Variants in TMEM33 observed in about 807,000 individuals in gnomAD.
TMEM33 encodes transmembrane protein 33.
In TMEM33, 16 loss-of-function variants were observed where a neutral mutation model predicts 29.7. The ratio of observed to expected loss-of-function variants is 0.54; its 90% CI spans 0.36 to 0.82. TMEM33 has a LOEUF of 0.82. Among genes scored for constraint, TMEM33 ranks in the 40% least tolerant of loss-of-function variants. TMEM33 has a pLI of 0.00. For missense variants in TMEM33, 252 were observed against 295.3 expected (o/e 0.85, Z 1.08); for synonymous variants, 112 against 109.4 (o/e 1.02, Z -0.15).
intron 5 of TMEM33, among the ~76,000 whole-genome samples, chr4:41,945,616 C>T (rs934039467): frequency 3.3e-5 from 5 of 152,198 alleles, no homozygotes; most frequent in African/African-American, 1.2e-4. Flanking sequence ...ATTTGTAGAA[C>T]ATATATATTA....
intron 5 of TMEM33, among the ~76,000 whole-genome samples, chr4:41,945,384 C>T (rs866984083): frequency 1.3e-5 from 2 of 152,196 alleles, no homozygotes; most frequent in Middle Eastern, 6.8e-3. Context: ...ATAGTATTGA[C>T]CTCTGCATTG....
chr4:41,938,994 T>A (rs1712385739), intron 2 of TMEM33, among the ~76,000 whole-genome samples: 1 of 152,210 alleles, frequency 6.6e-6, no homozygotes, highest in Non-Finnish European at 1.5e-5. Context: ...TTTATAAAAT[T>A]CAATTTTATA....
At position 41,953,830 on chromosome 4, in the gene TMEM33, A is replaced by G. The variant is rs551631774; in HGVS notation, c.615-240A>G. 4 of 525,746 alleles carry G rather than the reference A, an allele frequency of 7.6e-6. No individual in the cohort carries two copies. The Admixed American group carries it at 8.9e-5, about 12-fold the overall frequency. The allele number at this position is 525,746 out of a possible 1,614,324, so 32.6% of individuals were successfully genotyped here. A position where few individuals can be genotyped will look rare whatever the true frequency, so the allele number is the denominator to read the frequency against. ...ACCGTAACAGAACAGATCACAGATCACCATAATAGATTAATAATGAAAACA... is the reference window on the plus strand; with the variant it reads ...ACCGTAACAGAACAGATCACAGATCGCCATAATAGATTAATAATGAAAACA... On this transcript the variant is annotated intron_variant, in intron 6 of 6. Coordinates refer to ENST00000504986, the MANE Select transcript of TMEM33 (RefSeq NM_018126.3).
At position 41,944,814 on chromosome 4, in the gene TMEM33, C is replaced by T; in HGVS notation, c.418C>T (p.Pro140Ser). ...VLDARGSNSL[P>S]LLRSVLDKLS... is the part of the protein sequence containing the mutation. ...TTAGGCAAGGGGCTCAAATAGTTTA[C>T]CTCTGCTGAGATCTGTCTTGGACAA... The change falls in exon 5 of 7, where the codon CCT becomes TCT. Residue 140 changes from proline to serine, a missense_variant. Pro to Ser is a moderately conservative substitution (Grantham distance 74). Transcript: ENST00000504986. 6.2e-7 allele frequency: 1 copy of T among 1,613,312 alleles called. No individual in the cohort carries two copies. Among genetic ancestry groups the T allele is most frequent in the Non-Finnish European group, 8.5e-7 (1 of 1,179,724 alleles).
At chr4:41,949,602 C>T (rs1192291800) in intron 6 of TMEM33, among the ~76,000 whole-genome samples, 1 of 152,114 alleles carries the variant, frequency 6.6e-6, no homozygotes, top group African/African-American at 2.4e-5. Context: ...TCTACGCCAC[C>T]TCTAAAGCAC....
At chr4:41,943,120 C>G (rs1480225173) in intron 3 of TMEM33, among the ~76,000 whole-genome samples, 1 of 152,218 alleles carries the variant, frequency 6.6e-6, no homozygotes, top group Non-Finnish European at 1.5e-5. Flanking sequence ...GCTATACTTA[C>G]AACCCTTTGG....
At chr4:41,940,786 C>A (rs963387039) in intron 3 of TMEM33, among the ~76,000 whole-genome samples, 2 of 127,724 alleles carry the variant, frequency 1.6e-5, no homozygotes, top group African/African-American at 3.1e-5. Flanking sequence ...CTAGCCTGGG[C>A]GACAGAGCGA....
chr4:41,942,747 T>C lies in TMEM33; in HGVS notation c.329-1000T>C, dbSNP rs184683182. On this transcript the variant is annotated intron_variant, in intron 3 of 6. Transcript: ENST00000504986. ...CAAAAAGTTGAATGAAAAATGTATG[T>C]TTATCCATGGCATAAAGCCAAACAG... 5.9e-5 allele frequency among the ~76,000 whole-genome samples: 9 copies of C among 152,310 alleles called. 1 individual carries two copies. The East Asian group carries it at 1.7e-3, about 29-fold the overall frequency.
intron 6 of TMEM33, 29 bp from the exon 7 acceptor site, chr4:41,954,041 T>A (rs1243995091): frequency 1.2e-6 from 2 of 1,609,594 alleles, no homozygotes; most frequent in Non-Finnish European, 1.7e-6. Context: ...TTCCTTGTGT[T>A]TCTCAAAGAA....
intron 5 of TMEM33, among the ~76,000 whole-genome samples, chr4:41,948,475 G>A (rs942468798): frequency 6.6e-5 from 10 of 151,786 alleles, no homozygotes; most frequent in African/African-American, 2.4e-4. Flanking sequence ...TTTTTTTAAT[G>A]AAAATGATAC....
At chr4:41,942,124 C>A (rs753271879) in intron 3 of TMEM33, among the ~76,000 whole-genome samples, 2 of 152,106 alleles carry the variant, frequency 1.3e-5, no homozygotes, top group African/African-American at 4.8e-5. Flanking sequence ...CTGACACTGC[C>A]CCTTTTATTG....
At position 41,954,213 on chromosome 4, in the gene TMEM33, T is replaced by G. The variant is rs748375870; in HGVS notation, c.*14T>G. ...ACAGTTCCATAGTTTAACATCTAGT[T>G]AAGCTACAAATATAGTATAAGCATT... On this transcript the variant is annotated 3_prime_UTR_variant, in exon 7 of 7. Transcript: ENST00000504986. 9.3e-6 allele frequency: 15 copies of G among 1,613,302 alleles called. No individual in the cohort carries two copies. Among genetic ancestry groups the G allele is most frequent in the Non-Finnish European group, 1.3e-5 (15 of 1,179,490 alleles).
chr4:41,943,903 A>G, intron 4 of TMEM33, 89 bp downstream of exon 4: 1 of 1,210,072 alleles, frequency 8.3e-7, no homozygotes, highest in Non-Finnish European at 1.2e-6. Flanking sequence ...TTGTCACAAA[A>G]AGTCCCTCTA....
intron 1 of TMEM33, among the ~76,000 whole-genome samples, chr4:41,935,782 C>T (rs1419925591): frequency 6.6e-6 from 1 of 152,136 alleles, no homozygotes; most frequent in Non-Finnish European, 1.5e-5. Context: ...GGAAATTGGG[C>T]CTTCTTTCCT....
rs987993490 is a variant in TMEM33 at position 41,960,794 on chromosome 4, A to T, written c.*6595A>T. Among the ~76,000 whole-genome samples the T allele has an allele frequency of 2.6e-4, 39 of 152,192 alleles. No homozygotes were observed. Among genetic ancestry groups the T allele is most frequent in the African/African-American group, 8.9e-4 (37 of 41,458 alleles). On this transcript the variant is annotated 3_prime_UTR_variant, in exon 7 of 7. Coordinates refer to ENST00000504986, the MANE Select transcript of TMEM33 (RefSeq NM_018126.3). ...AAAAAAGGAAAGAAAAATTACATTG[A>T]TGCCTCAGCTGTTTGCTTGATTCTG...
At chr4:41,935,323 C>T (rs1451467046), upstream of TMEM33, 5 of 781,918 alleles carry the variant, frequency 6.4e-6, no homozygotes, top group African/African-American at 5.1e-5. Context: ...GAGCGAGACC[C>T]TTCCCTGGTG....
rs1374222337 is a variant in TMEM33 at position 41,954,965 on chromosome 4, CTAA to C, written c.*768_*770del. The C allele has an allele frequency of 1.3e-5, 2 of 152,592 alleles. No individual in the cohort carries two copies. Among genetic ancestry groups the C allele is most frequent in the African/African-American group, 4.8e-5 (2 of 41,462 alleles). 9.5% of individuals were successfully genotyped at this position (152,592 alleles called of 1,614,324 possible). ...TCTCAAACAGGAAATCCTTCTTTTACTAATGTGGACATATAGATTATTCGTATT... is the reference window on the plus strand; with the variant it reads ...TCTCAAACAGGAAATCCTTCTTTTACTGTGGACATATAGATTATTCGTATT... On this transcript the variant is annotated 3_prime_UTR_variant, in exon 7 of 7. Coordinates refer to ENST00000504986, the MANE Select transcript of TMEM33 (RefSeq NM_018126.3).
Position 41,943,789 on chromosome 4 carries a change from C to T in TMEM33, c.371C>T (p.Ala124Val). ...PVLLFSLLHA[A>V]TYTKKVLDAR... ...TTGTTATTCTCTTTGCTTCATGCTGCCACATATACGAAAAAGGTCCTTGAC... is the reference window on the plus strand; with the variant it reads ...TTGTTATTCTCTTTGCTTCATGCTGTCACATATACGAAAAAGGTCCTTGAC... Residue 124 changes from alanine to valine, a missense_variant, in exon 4 of 7, where the codon GCC becomes GTC. By Grantham distance (64) the Ala-to-Val change is moderately conservative. Transcript: ENST00000504986. 6.2e-7 allele frequency: 1 copy of T among 1,613,844 alleles called. No individual in the cohort carries two copies. The highest frequency in any genetic ancestry group is 1.7e-5 in the Admixed American group (1 of 60,008).
At chr4:41,948,849 C>T (rs532238405) in intron 5 of TMEM33, among the ~76,000 whole-genome samples, 81 of 151,950 alleles carry the variant, frequency 5.3e-4, no homozygotes, top group Non-Finnish European at 8.8e-4. Context: ...TGTTTTTTAA[C>T]CAAGAACAAT....
Sources: gnomAD v4.1 joint callset for allele counts (sites outside exome capture counted in the v4.1 genomes callset) on GRCh38, gnomAD v4.1.1 for gene constraint, MANE v1.5 for transcripts, NCBI Gene and HGNC (gene_info 2026-07-23, HGNC 2026-07-21) for gene names.